CSMD1: variants seen among roughly 807,000 people sequenced by gnomAD.
The protein encoded by CSMD1 is CUB and Sushi multiple domains 1.
A neutral mutation model predicts 417.5 loss-of-function variants in CSMD1; 213 were observed. The observed-to-expected ratio is 0.51, with a 90% CI of 0.46 to 0.57. The LOEUF is 0.57. Ranked by LOEUF, CSMD1 falls within the 20% of genes least tolerant of loss-of-function variation. The pLI is 0.00. For synonymous variants in CSMD1, 2,862 were observed against 1,736.8 expected (o/e 1.65, Z -16.11); for missense variants, 6,923 against 4,529.7 (o/e 1.53, Z -15.17).
At chr8:3,670,324 G>T (rs901195716) in intron 7 of CSMD1, among the ~76,000 whole-genome samples, 11 of 151,862 alleles carry the variant, frequency 7.2e-5, no homozygotes, top group Non-Finnish European at 1.0e-4. Flanking sequence ...TCCAGCATCA[G>T]ACTCCAAGTT....
chr8:3,944,626 G>T lies in CSMD1; in HGVS notation c.818+53277C>A, dbSNP rs527607887. On this transcript the variant is annotated intron_variant, in intron 5 of 69. Transcript: ENST00000635120. ...ATATGCCAACATATTCACCAACAGA[G>T]ACTTTTCCTTTATAACTGGTGGATT... 2.6e-5 allele frequency among the ~76,000 whole-genome samples: 4 copies of T among 152,202 alleles called. No homozygotes were observed. The South Asian group carries it at 8.3e-4, about 32-fold the overall frequency.
At chr8:4,702,303 C>T (rs556481982) in intron 1 of CSMD1, among the ~76,000 whole-genome samples, 135 of 152,256 alleles carry the variant, frequency 8.9e-4, no homozygotes, top group Non-Finnish European at 1.4e-3. Flanking sequence ...CTTCTGAGAC[C>T]TGCATGGCCA....
intron 1 of CSMD1, among the ~76,000 whole-genome samples, chr8:4,893,204 T>G (rs1244128698): frequency 6.6e-6 from 1 of 152,178 alleles, no homozygotes; most frequent in African/African-American, 2.4e-5. Context: ...CTCACTAAAA[T>G]AGTTGTATTG....
At chr8:4,244,823 A>G (rs536705875) in intron 3 of CSMD1, among the ~76,000 whole-genome samples, 3 of 152,324 alleles carry the variant, frequency 2.0e-5, no homozygotes, top group South Asian at 2.1e-4. Context: ...ATATGTATGT[A>G]TATGTTCTGA....
At chr8:4,573,433 G>A (rs188427393) in intron 2 of CSMD1, among the ~76,000 whole-genome samples, 3 of 152,196 alleles carry the variant, frequency 2.0e-5, no homozygotes, top group Non-Finnish European at 2.9e-5. Context: ...CCTCTTTCCT[G>A]GGGTGTCACC....
chr8:3,502,208 TA>T (rs1422417048), intron 10 of CSMD1, among the ~76,000 whole-genome samples: 2 of 151,228 alleles, frequency 1.3e-5, no homozygotes, highest in African/African-American at 2.4e-5. Flanking sequence ...ACTAAAAATA[TA>T]AAAAAATTAG....
At chr8:4,431,732 T>C (rs1733856856) in intron 2 of CSMD1, among the ~76,000 whole-genome samples, 1 of 152,200 alleles carries the variant, frequency 6.6e-6, no homozygotes, top group Admixed American at 6.5e-5. Context: ...GAATCAATTG[T>C]TGTTCTAACA....
intron 3 of CSMD1, among the ~76,000 whole-genome samples, chr8:4,362,933 G>A (rs767082880): frequency 1.3e-5 from 2 of 152,104 alleles, no homozygotes; most frequent in Non-Finnish European, 2.9e-5. Context: ...AAACTGTTAG[G>A]ACAAGTCTAT....
At chr8:4,465,556 A>C (rs930475641) in intron 2 of CSMD1, among the ~76,000 whole-genome samples, 5 of 152,152 alleles carry the variant, frequency 3.3e-5, no homozygotes, top group Admixed American at 3.3e-4. Flanking sequence ...AATGGAAGTC[A>C]AGTAAAGCAA....
chr8:4,099,199 C>T (rs1353453961), intron 3 of CSMD1, among the ~76,000 whole-genome samples: 1 of 142,144 alleles, frequency 7.0e-6, no homozygotes, highest in Non-Finnish European at 1.5e-5. Context: ...CACACTCACA[C>T]ACACACGCAC....
intron 3 of CSMD1, among the ~76,000 whole-genome samples, chr8:4,401,548 C>A (rs1375476225): frequency 6.6e-6 from 1 of 152,162 alleles, no homozygotes; most frequent in East Asian, 1.9e-4. Flanking sequence ...GCTCCCCTGT[C>A]TGATGTTTGC....
At chr8:3,964,638 A>T (rs539374802) in intron 5 of CSMD1, among the ~76,000 whole-genome samples, 1 of 152,170 alleles carries the variant, frequency 6.6e-6, no homozygotes, top group Admixed American at 6.5e-5. Context: ...GAAATATTTA[A>T]ATTTGCTATT....
chr8:3,116,732 C>G (rs1816894857), intron 42 of CSMD1, among the ~76,000 whole-genome samples: 1 of 152,054 alleles, frequency 6.6e-6, no homozygotes. Context: ...GCAATAAAAT[C>G]AAATTAAATA....
intron 25 of CSMD1, among the ~76,000 whole-genome samples, chr8:3,306,121 C>T (rs1467249407): frequency 1.3e-5 from 2 of 152,168 alleles, no homozygotes; most frequent in African/African-American, 4.8e-5. Flanking sequence ...GCATTTTCCT[C>T]ACTCCACTTC....
intron 2 of CSMD1, among the ~76,000 whole-genome samples, chr8:4,441,058 AACT>A (rs1798441052): frequency 7.0e-6 from 1 of 142,858 alleles, no homozygotes; most frequent in Non-Finnish European, 1.5e-5. Context: ...TTAAAATATA[AACT>A]TTTTTCCTAA....
chr8:4,658,199 G>T (rs1404648039), intron 1 of CSMD1, among the ~76,000 whole-genome samples: 1 of 152,044 alleles, frequency 6.6e-6, no homozygotes, highest in African/African-American at 2.4e-5. Context: ...ATAAATGACT[G>T]CAAATTTCCA....
chr8:4,409,578 G>A (rs1025055613), intron 3 of CSMD1, among the ~76,000 whole-genome samples: 1 of 151,766 alleles, frequency 6.6e-6, no homozygotes, highest in Non-Finnish European at 1.5e-5. Flanking sequence ...CTTCAGCAGG[G>A]ATGAATTTGT....
chr8:4,335,174 G>C (rs1310527344), intron 3 of CSMD1, among the ~76,000 whole-genome samples: 2 of 152,064 alleles, frequency 1.3e-5, no homozygotes, highest in South Asian at 2.1e-4. Context: ...AAGGTGCTGG[G>C]ATTACAGGTG....
intron 3 of CSMD1, among the ~76,000 whole-genome samples, chr8:4,168,293 C>T (rs928597616): frequency 2.0e-5 from 3 of 151,796 alleles, no homozygotes; most frequent in African/African-American, 4.8e-5. Context: ...ACACAGGAGG[C>T]TGAGGCAGAA....
Sources: gnomAD v4.1 joint callset for allele counts (sites outside exome capture counted in the v4.1 genomes callset) on GRCh38, gnomAD v4.1.1 for gene constraint, MANE v1.5 for transcripts, NCBI Gene and HGNC (gene_info 2026-07-23, HGNC 2026-07-21) for gene names.